The following NIBAN2 variants were observed in gnomAD, a reference collection of about 807,000 sequenced individuals.
NIBAN2 encodes protein Niban 2.
In NIBAN2, 36 loss-of-function variants were observed where a neutral mutation model predicts 81.8. The ratio of observed to expected loss-of-function variants is 0.44; its 90% CI spans 0.34 to 0.58. The LOEUF is 0.58. Among genes scored for constraint, NIBAN2 ranks in the 20% least tolerant of loss-of-function variants. The probability of loss-of-function intolerance (pLI) is 0.02; values close to 1 mark genes in which losing one functional copy is unlikely to be tolerated. For synonymous variants in NIBAN2, 445 were observed against 441.6 expected (o/e 1.01, Z -0.10); for missense variants, 897 against 1,014.1 (o/e 0.88, Z 1.57).
At chr9:127,519,660 G>A (rs550227356) in intron 5 of NIBAN2, among the ~76,000 whole-genome samples, 43 of 152,368 alleles carry the variant, frequency 2.8e-4, no homozygotes, top group Non-Finnish European at 5.4e-4. Context: ...TCCCTACAGC[G>A]CAGCTGCCTG....
Position 127,507,580 on chromosome 9 carries a change from G to A in NIBAN2, c.1655-149C>T. The A allele has an allele frequency of 1.3e-6, 1 of 749,712 alleles. No homozygotes were observed. The highest frequency in any genetic ancestry group is 2.1e-6 in the Non-Finnish European group (1 of 469,186). 46.4% of individuals were successfully genotyped at this position (749,712 alleles called of 1,614,324 possible). On this transcript the variant is annotated intron_variant, in intron 13 of 13. Coordinates refer to ENST00000373312, the MANE Select transcript of NIBAN2 (RefSeq NM_022833.4). The surrounding 1 kb of genome is among the most constrained non-coding windows in gnomAD (Gnocchi z 6.8). Reference sequence around the variant, plus strand: ...ATTCCAGGCCTCGTTGCTGAAAGCAGCAAGGCCGTGATGCTATCTCCAGGC... The same window carrying A: ...ATTCCAGGCCTCGTTGCTGAAAGCAACAAGGCCGTGATGCTATCTCCAGGC...
chr9:127,510,822 T>C (rs1246436582), intron 8 of NIBAN2, among the ~76,000 whole-genome samples: 1 of 152,200 alleles, frequency 6.6e-6, no homozygotes, highest in Non-Finnish European at 1.5e-5. Flanking sequence ...AGCCTCAAAC[T>C]CCTGGGCTCA....
chr9:127,512,517 C>T (rs1019460828), intron 8 of NIBAN2, among the ~76,000 whole-genome samples: 1 of 152,124 alleles, frequency 6.6e-6, no homozygotes, highest in African/African-American at 2.4e-5. Context: ...GAACTCCTGA[C>T]CTCAAGTGAT....
At chr9:127,548,507 C>T (rs1360098580) in intron 1 of NIBAN2, among the ~76,000 whole-genome samples, 1 of 152,206 alleles carries the variant, frequency 6.6e-6, no homozygotes, top group Admixed American at 6.5e-5. Context: ...TTCCTGTAGG[C>T]AGCCTTAGGG....
At chr9:127,534,851 T>C (rs1369784819) in intron 1 of NIBAN2, among the ~76,000 whole-genome samples, 1 of 152,176 alleles carries the variant, frequency 6.6e-6, no homozygotes, top group African/African-American at 2.4e-5. Flanking sequence ...AAGAGAGTCA[T>C]ACATCGGGGA....
rs147526033 is a variant in NIBAN2, at chr9:127,517,001, G to C, written c.829C>G (p.His277Asp). 1.2e-6 allele frequency: 2 copies of C among 1,613,652 alleles called. No individual in the cohort carries two copies. The highest frequency in any genetic ancestry group is 2.2e-5 in the South Asian group (2 of 91,078). The change falls in exon 8 of 14, where the codon CAC becomes GAC. Residue 277 changes from histidine to aspartate, a missense_variant. Transcript: ENST00000373312. This position sits in a 1 kb window ranked among gnomAD's most constrained non-coding sequence, Gnocchi z 4.0. ...GCCTTGGCCTGCTCGTACACCATGT[G>C]GTACACGGCGTCCGAGATCTGTGGG... ...QWIQISDAVY[H>D]MVYEQAKARF...
intron 3 of NIBAN2, 121 bp downstream of exon 3, chr9:127,527,073 C>G: frequency 7.9e-7 from 1 of 1,264,370 alleles, no homozygotes; most frequent in Non-Finnish European, 1.1e-6. Flanking sequence ...GGTGCTCTGG[C>G]CCTGGTGACC....
chr9:127,570,525 A>C (rs1039811244), upstream of NIBAN2, among the ~76,000 whole-genome samples: 1 of 152,238 alleles, frequency 6.6e-6, no homozygotes, highest in African/African-American at 2.4e-5. Context: ...CAAAGTGCCC[A>C]GCATAGTGCC....
At chr9:127,527,410 T>G in intron 2 of NIBAN2, 88 bp from the exon 3 acceptor site, 1 of 1,290,736 alleles carries the variant, frequency 7.7e-7, no homozygotes, top group Non-Finnish European at 1.1e-6. Context: ...GCAGAGCCTG[T>G]GTGCGCACCC....
At chr9:127,542,572 G>A (rs750141375) in intron 1 of NIBAN2, among the ~76,000 whole-genome samples, 15 of 152,246 alleles carry the variant, frequency 9.9e-5, no homozygotes, top group Non-Finnish European at 1.3e-4. Flanking sequence ...GGCTGACATC[G>A]GAGCAGGCCC....
At position 127,563,185 on chromosome 9, in the gene NIBAN2, C is replaced by T. The variant is rs541682710; in HGVS notation, c.55+5635G>A. ...TGGAGCAGCTCTGAGTAGGCGAGGCCGGCACTCAGGCCCCAGCAGTGGAAA... is the reference window on the plus strand; with the variant it reads ...TGGAGCAGCTCTGAGTAGGCGAGGCTGGCACTCAGGCCCCAGCAGTGGAAA... On this transcript the variant is annotated intron_variant, in intron 1 of 13. Transcript: ENST00000373312. This position sits in a 1 kb window ranked among gnomAD's most constrained non-coding sequence, Gnocchi z 4.1. Among the ~76,000 whole-genome samples, 7 of 152,246 alleles carry T rather than the reference C, an allele frequency of 4.6e-5. No homozygotes were observed. Among genetic ancestry groups the T allele is most frequent in the East Asian group, 3.9e-4 (2 of 5,170 alleles).
At chr9:127,541,910 G>A (rs763338423) in intron 1 of NIBAN2, among the ~76,000 whole-genome samples, 1 of 152,072 alleles carries the variant, frequency 6.6e-6, no homozygotes, top group Non-Finnish European at 1.5e-5. Context: ...CTGCCCCCTA[G>A]CACAAGCCCA....
At chr9:127,535,498 G>A (rs191077533) in intron 1 of NIBAN2, among the ~76,000 whole-genome samples, 2 of 152,276 alleles carry the variant, frequency 1.3e-5, no homozygotes, top group East Asian at 1.9e-4. Context: ...GAGGAAGGGA[G>A]ACATGGGAGT....
chr9:127,578,869 C>T, intron 1 of NIBAN2: 1 of 1,583,820 alleles, frequency 6.3e-7, no homozygotes, highest in Non-Finnish European at 8.6e-7. Context: ...AACAAACAAA[C>T]AAAAAAGAAC....
chr9:127,569,359 A>G (rs1837918764), upstream of NIBAN2, among the ~76,000 whole-genome samples: 1 of 151,716 alleles, frequency 6.6e-6, no homozygotes, highest in African/African-American at 2.4e-5. Context: ...AGAAGGTCCC[A>G]GAAAGGGAGA....
rs558348208 is a variant in NIBAN2 at position 127,550,392 on chromosome 9, A to C, written c.55+18428T>G. 1.1e-4 allele frequency among the ~76,000 whole-genome samples: 16 copies of C among 152,362 alleles called. 1 individual carries two copies. Among genetic ancestry groups the C allele is most frequent in the Admixed American group, 9.1e-4 (14 of 15,308 alleles). On this transcript the variant is annotated intron_variant, in intron 1 of 13. Transcript: ENST00000373312. ...AAAAGCACTGTCCCTGACTGTTGCC[A>C]GCTCGCTCACACAGGTCAGACCCCT...
chr9:127,514,815 T>C lies in NIBAN2; in HGVS notation c.973+2042A>G, dbSNP rs79501174. On this transcript the variant is annotated intron_variant, in intron 8 of 13. Transcript: ENST00000373312. ...CTTTGTTCCACACAAGAAATGTCAA[T>C]GCTCAGTGTCCTATCCAGCTGTCAA... 2.2e-3 allele frequency among the ~76,000 whole-genome samples: 333 copies of C among 152,304 alleles called. 3 individuals are homozygous for C. In the East Asian group the frequency reaches 0.042, roughly 19 times the overall value.
chr9:127,524,155 G>T (rs924352795), intron 4 of NIBAN2, among the ~76,000 whole-genome samples: 1 of 152,170 alleles, frequency 6.6e-6, no homozygotes, highest in African/African-American at 2.4e-5. Flanking sequence ...CAAGGTCAGA[G>T]CCCCCAGGTT....
At position 127,531,756 on chromosome 9, in the gene NIBAN2, C is replaced by T. The variant is rs376444006; in HGVS notation, c.78G>A (p.Thr26=). The T allele has an allele frequency of 8.7e-6, 14 of 1,614,172 alleles. No individual in the cohort carries two copies. In the South Asian group the frequency reaches 1.3e-4, roughly 15 times the overall value. Residue 26 remains threonine, a synonymous_variant, in exon 2 of 14, where the codon ACG becomes ACA. Transcript: ENST00000373312. ...HIAEKTGKIL[T]EFLQFYEDQY... ...GGTCTTCATAGAACTGGAGGAACTCCGTCAGGATCTTCCCGGTTTTTTCTG... is the reference window on the plus strand; with the variant it reads ...GGTCTTCATAGAACTGGAGGAACTCTGTCAGGATCTTCCCGGTTTTTTCTG...
Sources: gnomAD v4.1 joint callset for allele counts (sites outside exome capture counted in the v4.1 genomes callset) on GRCh38, gnomAD v4.1.1 for gene constraint, Gnocchi (gnomAD v3.1) non-coding constraint, MANE v1.5 for transcripts, NCBI Gene and HGNC (gene_info 2026-07-23, HGNC 2026-07-21) for gene names.